CTSC: variants seen among roughly 807,000 people sequenced by gnomAD.
CTSC encodes the protein dipeptidyl peptidase 1.
Under a neutral mutation model 40.9 loss-of-function variants are expected in CTSC, and 37 were observed. The ratio of observed to expected loss-of-function variants is 0.91; its 90% CI spans 0.70 to 1.19. The LOEUF (loss-of-function observed/expected upper bound fraction) is 1.19, where lower values mean the gene tolerates loss of function less well. CTSC is among the 50% of genes most tolerant of loss of function. The pLI, the probability that CTSC is intolerant of heterozygous loss-of-function variation, is 0.00. For synonymous variants in CTSC, 232 were observed against 207.4 expected, an observed-to-expected ratio of 1.12 and a Z score of -1.02; for missense variants, 594 against 567.3, an observed-to-expected ratio of 1.05 and a Z score of -0.48.
chr11:88,300,826 G>T (rs1358570321), intron 4 of CTSC, among the ~76,000 whole-genome samples, 181 bp from the exon 5 acceptor site: 2 of 148,520 alleles, frequency 1.3e-5, no homozygotes, highest in African/African-American at 4.9e-5. Flanking sequence ...TGTGTAAATG[G>T]CTTTCATTCG....
At chr11:88,322,656 C>G (rs886110296) in intron 2 of CTSC, 2 of 152,106 alleles carry the variant, frequency 1.3e-5, no homozygotes, top group African/African-American at 2.4e-5. Flanking sequence ...TGCAAAGAAA[C>G]TAGAAAATCT....
In CTSC at chr11:88,294,095, C is replaced by T. The variant is rs1555025770; in HGVS notation, c.1303G>A (p.Glu435Lys). ...CTGCGGATCCGGAAGTAGCCATTCT[C>T]ACCCCAGCCGGTGCCCCAGCTGTTT... ...VKNSWGTGWG[E>K]NGYFRIRRGT... The change falls in exon 7 of 7, where the codon GAG (glutamate) becomes AAG (lysine). Residue 435 changes from glutamate (E) to lysine (K), a missense_variant. By Grantham distance (56) the Glu-to-Lys change is moderately conservative. Transcript: ENST00000227266. 6.2e-7 allele frequency: 1 copy of T among 1,614,024 alleles called. No homozygotes were observed. The highest frequency in any genetic ancestry group is 8.5e-7 in the Non-Finnish European group (1 of 1,180,020).
intron 2 of CTSC, chr11:88,320,961 G>A: frequency 1.3e-5 from 13 of 984,908 alleles, no homozygotes; most frequent in Non-Finnish European, 1.6e-5. Context: ...AATACAAACA[G>A]GCAATTATGA....
intron 1 of CTSC, among the ~76,000 whole-genome samples, chr11:88,335,658 C>T (rs962062400): frequency 6.6e-6 from 1 of 152,142 alleles, no homozygotes; most frequent in Non-Finnish European, 1.5e-5. Flanking sequence ...AGCATCCCAA[C>T]ACTGAAGAAA....
At chr11:88,328,133 G>A (rs1938242118) in intron 2 of CTSC, 3 of 1,613,202 alleles carry the variant, frequency 1.9e-6, no homozygotes, top group Admixed American at 3.3e-5. Flanking sequence ...CTCAGATGTG[G>A]CAAATCATAT....
In CTSC at chr11:88,337,594, G is replaced by C. The variant is rs1408561853; in HGVS notation, c.79C>G (p.Pro27Ala). The change falls in exon 1 of 7, where the codon CCT (proline) becomes GCT (alanine). Residue 27 changes from proline (P) to alanine (A), a missense_variant. Coordinates refer to ENST00000227266, the MANE Select transcript of CTSC (RefSeq NM_001814.6). ...AGGTCAAGATAGGTGCAGTTGGCAG[G>C]TGTGTCGCAGCGCACGGCGCCGTCG... ...SGDGAVRCDT[P>A]ANCTYLDLLG... is the part of the protein sequence containing the mutation. 6 of 1,578,994 alleles carry C rather than the reference G, an allele frequency of 3.8e-6. No homozygotes were observed. Among genetic ancestry groups the C allele is most frequent in the Non-Finnish European group, 4.3e-6 (5 of 1,161,810 alleles).
At chr11:88,296,379 T>C in intron 5 of CTSC, 115 bp from the exon 6 acceptor site, 1 of 1,308,566 alleles carries the variant, frequency 7.6e-7, no homozygotes. Flanking sequence ...TTGTTGTTTA[T>C]AAGAATCAGC....
chr11:88,306,191 A>G (rs1298814663), intron 4 of CTSC, among the ~76,000 whole-genome samples: 1 of 152,252 alleles, frequency 6.6e-6, no homozygotes, highest in Non-Finnish European at 1.5e-5. Flanking sequence ...GGAGGATGCC[A>G]TCAGTTGGAC....
rs1938236718 is a variant in CTSC, at chr11:88,327,970, C to A, written c.318+6967G>T. ...AACTTAGAAACAGCAGACAAGCAGGCTCAAGCAAGAAATTCATAAGAAAAC... is the reference window on the plus strand; with the variant it reads ...AACTTAGAAACAGCAGACAAGCAGGATCAAGCAAGAAATTCATAAGAAAAC... On this transcript the variant is annotated intron_variant, in intron 2 of 6. Transcript: ENST00000227266. The A allele has an allele frequency of 1.0e-5, 7 of 699,296 alleles. No homozygotes were observed. In the South Asian group the frequency reaches 1.1e-4, roughly 11 times the overall value. 43.3% of individuals were successfully genotyped at this position (699,296 alleles called of 1,614,324 possible). A position where few individuals can be genotyped will look rare whatever the true frequency, so the allele number is the denominator to read the frequency against.
intron 2 of CTSC, among the ~76,000 whole-genome samples, chr11:88,315,735 C>T (rs1392658865): frequency 6.6e-6 from 1 of 151,706 alleles, no homozygotes; most frequent in Non-Finnish European, 1.5e-5. Context: ...CAATGCCATC[C>T]TCCACTTCTT....
At position 88,332,150 on chromosome 11, in the gene CTSC, A is replaced by G. The variant is rs545927664; in HGVS notation, c.318+2787T>C. Among the ~76,000 whole-genome samples, 9 of 152,356 alleles carry G rather than the reference A, an allele frequency of 5.9e-5. No homozygotes were observed. The South Asian group carries it at 1.7e-3, about 28-fold the overall frequency. On this transcript the variant is annotated intron_variant, in intron 2 of 6. Coordinates refer to ENST00000227266, the MANE Select transcript of CTSC (RefSeq NM_001814.6). The stretch of plus-strand genomic sequence containing the variant: ...ATAACAACAACGATGGCAGGTAAGC[A>G]TGGCAAGAATTTGTCAAATATTTCT...
intron 2 of CTSC, chr11:88,325,186 G>T: frequency 1.0e-6 from 1 of 984,776 alleles, no homozygotes; most frequent in South Asian, 4.7e-5. Context: ...CTGTAATTAA[G>T]ATTAGTAAAT....
At chr11:88,326,236 A>C in intron 2 of CTSC, 1 of 1,482,552 alleles carries the variant, frequency 6.7e-7, no homozygotes, top group Non-Finnish European at 9.0e-7. Context: ...AGTGTTCAGG[A>C]GGGCAGCTGC....
chr11:88,328,167 G>A, intron 2 of CTSC: 1 of 1,613,426 alleles, frequency 6.2e-7, no homozygotes, highest in Non-Finnish European at 8.5e-7. Flanking sequence ...CCAGCTGCAT[G>A]AACAAATGAC....
At chr11:88,303,608 C>T (rs565353966) in intron 4 of CTSC, among the ~76,000 whole-genome samples, 84 of 152,360 alleles carry the variant, frequency 5.5e-4, no homozygotes, top group Non-Finnish European at 1.6e-4. Context: ...CGCCACCCTC[C>T]AGGAACTTCC....
chr11:88,324,602 A>T lies in CTSC; in HGVS notation c.318+10335T>A, dbSNP rs980373699. 7.1e-6 allele frequency: 7 copies of T among 984,818 alleles called. No individual in the cohort carries two copies. In the South Asian group the frequency reaches 3.3e-4, roughly 46 times the overall value. 61.0% of individuals were successfully genotyped at this position (984,818 alleles called of 1,614,324 possible). A position where few individuals can be genotyped will look rare whatever the true frequency, so the allele number is the denominator to read the frequency against. ...CAGGTACCTACAAAGTTCTATGTGC[A>T]TTAGGTGTTGAAGATATACAGGGAG... On this transcript the variant is annotated intron_variant, in intron 2 of 6. Coordinates refer to ENST00000227266, the MANE Select transcript of CTSC (RefSeq NM_001814.6).
At chr11:88,316,170 T>C (rs535840728) in intron 2 of CTSC, among the ~76,000 whole-genome samples, 2 of 152,288 alleles carry the variant, frequency 1.3e-5, no homozygotes, top group Admixed American at 6.5e-5. Flanking sequence ...CTTTTTACCA[T>C]GCCTGCCTAG....
intron 5 of CTSC, among the ~76,000 whole-genome samples, chr11:88,299,927 T>C (rs1944339740): frequency 6.6e-6 from 1 of 152,174 alleles, no homozygotes; most frequent in Non-Finnish European, 1.5e-5. Context: ...TGAAAATAAC[T>C]GGTAAAATTC....
At chr11:88,319,263 T>A (rs1451551617) in intron 2 of CTSC, among the ~76,000 whole-genome samples, 1 of 152,202 alleles carries the variant, frequency 6.6e-6, no homozygotes, top group Non-Finnish European at 1.5e-5. Flanking sequence ...CTGTCAAACA[T>A]GTTGACAGAA....
Sources: allele counts gnomAD v4.1 joint callset (sites outside exome capture counted in the v4.1 genomes callset), GRCh38; gene constraint gnomAD v4.1.1; transcripts MANE v1.5; gene names NCBI Gene and HGNC (gene_info 2026-07-23, HGNC 2026-07-21).